The following COL11A1 variants were observed in gnomAD, a reference collection of about 807,000 sequenced individuals.
COL11A1 encodes collagen type XI alpha 1 chain.
In COL11A1, 74 loss-of-function variants were observed where a neutral mutation model predicts 265.2. The observed-to-expected ratio is 0.28, with a 90% CI of 0.23 to 0.34. COL11A1 has a LOEUF of 0.34. Among genes scored for constraint, COL11A1 ranks in the 10% least tolerant of loss-of-function variants. The pLI is 1.00. For synonymous variants in COL11A1, 816 were observed against 727.6 expected (o/e 1.12, Z -1.96); for missense variants, 2,165 against 2,263.6 (o/e 0.96, Z 0.88).
At chr1:103,090,575 A>T (rs530699173) in intron 1 of COL11A1, among the ~76,000 whole-genome samples, 7 of 152,318 alleles carry the variant, frequency 4.6e-5, no homozygotes, top group Admixed American at 6.5e-5. Context: ...CAAATTCAGT[A>T]GTTATTATTT....
At chr1:103,062,685 A>G (rs1670764812) in intron 4 of COL11A1, among the ~76,000 whole-genome samples, 1 of 152,076 alleles carries the variant, frequency 6.6e-6, no homozygotes, top group Non-Finnish European at 1.5e-5. Context: ...CAAACTGATC[A>G]GAAAGAAGGC....
intron 37 of COL11A1, among the ~76,000 whole-genome samples, chr1:102,967,931 A>G (rs759042429): frequency 6.6e-6 from 1 of 152,208 alleles, no homozygotes; most frequent in Non-Finnish European, 1.5e-5. Flanking sequence ...ATAGACTTGC[A>G]CTCATACATC....
chr1:102,924,176 G>A (rs1363824970), intron 46 of COL11A1, among the ~76,000 whole-genome samples: 1 of 152,074 alleles, frequency 6.6e-6, no homozygotes, highest in Non-Finnish European at 1.5e-5. Context: ...AACCAAGATC[G>A]TGCCACTGCA....
chr1:103,004,347 G>A, intron 20 of COL11A1, 97 bp downstream of exon 20: 1 of 927,368 alleles, frequency 1.1e-6, no homozygotes. Context: ...AGACTGCAAT[G>A]TTTACCTGGG....
intron 4 of COL11A1, among the ~76,000 whole-genome samples, chr1:103,053,755 T>A (rs547239204): frequency 1.1e-4 from 17 of 152,320 alleles, no homozygotes; most frequent in South Asian, 1.0e-3. Flanking sequence ...AAAATTTTTA[T>A]GTGGAATCTC....
intron 63 of COL11A1, among the ~76,000 whole-genome samples, chr1:102,885,126 T>G (rs532008100): frequency 6.6e-6 from 1 of 152,342 alleles, no homozygotes; most frequent in South Asian, 2.1e-4. Flanking sequence ...ATTGCATTTC[T>G]ACACAGCTGT....
chr1:102,922,543 C>G (rs978196648), intron 47 of COL11A1, among the ~76,000 whole-genome samples: 1 of 152,098 alleles, frequency 6.6e-6, no homozygotes, highest in Admixed American at 6.5e-5. Flanking sequence ...ACTACAGGCA[C>G]ACGCCACCAT....
At chr1:103,033,204 A>T (rs2102006466) in intron 4 of COL11A1, among the ~76,000 whole-genome samples, 1 of 152,110 alleles carries the variant, frequency 6.6e-6, no homozygotes, top group South Asian at 2.1e-4. Flanking sequence ...ATTCCCTTTT[A>T]TGGACATGCC....
At chr1:103,011,981 C>A (rs1299285392) in intron 14 of COL11A1, among the ~76,000 whole-genome samples, 4 of 152,076 alleles carry the variant, frequency 2.6e-5, no homozygotes. Flanking sequence ...AGGCAACCTG[C>A]GGTTTAAAAA....
intron 4 of COL11A1, among the ~76,000 whole-genome samples, chr1:103,057,319 T>A (rs1670323362): frequency 6.6e-6 from 1 of 152,198 alleles, no homozygotes. Context: ...ATCATGAGGT[T>A]ACAGCAGTTC....
chr1:102,997,146 A>G, intron 25 of COL11A1, 22 bp from the exon 26 acceptor site: 1 of 1,589,924 alleles, frequency 6.3e-7, no homozygotes, highest in South Asian at 1.1e-5. Flanking sequence ...AAAAACATAC[A>G]CTGATAAGAT....
chr1:103,010,007 G>C (rs760223227), intron 14 of COL11A1, among the ~76,000 whole-genome samples: 10 of 152,002 alleles, frequency 6.6e-5, no homozygotes, highest in Non-Finnish European at 1.3e-4. Context: ...CTGTATATAA[G>C]CACTACCTAC....
chr1:103,066,555 C>CAAAAAA (rs35403453), intron 4 of COL11A1, among the ~76,000 whole-genome samples: 1 of 106,226 alleles, frequency 9.4e-6, no homozygotes, highest in Non-Finnish European at 2.0e-5. Context: ...CCCTCAGCAC[C>CAAAAAA]AAAAAAAAAA....
chr1:103,069,675 A>G (rs1416232572), intron 4 of COL11A1, among the ~76,000 whole-genome samples: 2 of 151,988 alleles, frequency 1.3e-5, no homozygotes, highest in African/African-American at 4.8e-5. Flanking sequence ...TTTATGCAGG[A>G]TAAAGTTTTA....
At chr1:102,951,748 AT>A (rs1388579583) in intron 41 of COL11A1, among the ~76,000 whole-genome samples, 13 of 101,532 alleles carry the variant, frequency 1.3e-4, no homozygotes, top group Non-Finnish European at 2.0e-4. Context: ...TCTTAAAAAA[AT>A]AAAATAAAAT....
At chr1:103,003,390 A>T in intron 20 of COL11A1, 122 bp from the exon 21 acceptor site, 1 of 1,043,072 alleles carries the variant, frequency 9.6e-7, no homozygotes, top group Non-Finnish European at 1.4e-6. Flanking sequence ...ATCTTTTATT[A>T]ACACACTGAA....
At chr1:103,021,633 CATA>C in intron 9 of COL11A1, 71 bp downstream of exon 9, 1 of 945,528 alleles carries the variant, frequency 1.1e-6, no homozygotes, top group East Asian at 2.4e-5. Flanking sequence ...CACGAACATA[CATA>C]ATAATTTAAC....
intron 53 of COL11A1, among the ~76,000 whole-genome samples, chr1:102,912,879 T>C (rs1351471055): frequency 6.6e-6 from 1 of 152,202 alleles, no homozygotes; most frequent in Non-Finnish European, 1.5e-5. Flanking sequence ...ACATGCTTGC[T>C]TCGCCTTCCA....
At chr1:102,988,471 G>T (rs1184723930) in intron 29 of COL11A1, among the ~76,000 whole-genome samples, 2 of 152,120 alleles carry the variant, frequency 1.3e-5, no homozygotes, top group Non-Finnish European at 2.9e-5. Flanking sequence ...GCCCTGTCTG[G>T]GCAGCAGGCA....
Sources: allele counts gnomAD v4.1 joint callset (sites outside exome capture counted in the v4.1 genomes callset), GRCh38; gene constraint gnomAD v4.1.1; transcripts MANE v1.5; gene names NCBI Gene and HGNC (gene_info 2026-07-23, HGNC 2026-07-21).